SNX10: variants seen among roughly 807,000 people sequenced by gnomAD.
SNX10 encodes sorting nexin 10.
SNX10 carries 25 observed loss-of-function variants against 28.5 expected under a neutral mutation model. The ratio of observed to expected loss-of-function variants is 0.88; its 90% CI spans 0.64 to 1.22. The LOEUF (loss-of-function observed/expected upper bound fraction) is 1.22, where lower values mean the gene tolerates loss of function less well. Ranked by LOEUF, SNX10 falls within the 50% of genes most tolerant of loss-of-function variation. The pLI, the probability that SNX10 is intolerant of heterozygous loss-of-function variation, is 0.00. For synonymous variants in SNX10, 62 were observed against 81.4 expected (o/e 0.76, Z 1.28); for missense variants, 223 against 242.6 (o/e 0.92, Z 0.54).
intron 2 of SNX10, chr7:26,357,276 T>C (rs1245761009): frequency 2.7e-5 from 4 of 148,994 alleles, no homozygotes; most frequent in Admixed American, 2.0e-4. Flanking sequence ...CCGAGTTGCA[T>C]TTGAAAAATG....
intron 2 of SNX10, among the ~76,000 whole-genome samples, chr7:26,352,159 T>G (rs1173142416): frequency 6.6e-6 from 1 of 152,184 alleles, no homozygotes; most frequent in East Asian, 1.9e-4. Context: ...AAAACAAATA[T>G]CATTGACATA....
chr7:26,295,463 A>G (rs754695648), intron 1 of SNX10, among the ~76,000 whole-genome samples: 14 of 152,200 alleles, frequency 9.2e-5, no homozygotes, highest in Non-Finnish European at 1.8e-4. Flanking sequence ...GAAAGTCATT[A>G]TTCACCATTT....
chr7:26,340,551 G>T (rs1223268153), intron 1 of SNX10, among the ~76,000 whole-genome samples: 1 of 152,150 alleles, frequency 6.6e-6, no homozygotes, highest in South Asian at 2.1e-4. Context: ...CTTTCTCCTC[G>T]AGTTTTCGGT....
Position 26,349,607 on chromosome 7 carries a change from T to C in SNX10, c.24+3141T>C, listed in dbSNP as rs73683292. Among the ~76,000 whole-genome samples the C allele has an allele frequency of 4.6e-3, 700 of 152,342 alleles. 4 individuals are homozygous for C. Among genetic ancestry groups the C allele is most frequent in the African/African-American group, 0.016 (670 of 41,580 alleles). On this transcript the variant is annotated intron_variant, in intron 2 of 6. Transcript: ENST00000338523. ...TCAGAGTCATTCATGCATGCAACTT[T>C]AATTTACAATTAAAATATTATGGTT...
Position 26,344,867 on chromosome 7 carries a change from A to G in SNX10, c.-23-1553A>G, listed in dbSNP as rs1390965475. Reference sequence around the variant, plus strand: ...AAGCTTGATATTTAGAACAGCAGAAATTTATTCTGTTACAATTTGGGATGC... The same window carrying G: ...AAGCTTGATATTTAGAACAGCAGAAGTTTATTCTGTTACAATTTGGGATGC... On this transcript the variant is annotated intron_variant, in intron 1 of 6. Transcript: ENST00000338523. Among the ~76,000 whole-genome samples, 3 of 152,132 alleles carry G rather than the reference A, an allele frequency of 2.0e-5. No individual in the cohort carries two copies. In the East Asian group the frequency reaches 5.8e-4, roughly 29 times the overall value.
intron 5 of SNX10, among the ~76,000 whole-genome samples, chr7:26,369,653 A>G (rs3801878): frequency 0.14 from 21,311 of 152,114 alleles, 3,052 homozygotes; most frequent in African/African-American, 0.35. Flanking sequence ...CCCCAGCCAC[A>G]TCTTTCTGGC....
intron 1 of SNX10, among the ~76,000 whole-genome samples, chr7:26,345,818 C>G (rs1458053793): frequency 6.6e-6 from 1 of 152,026 alleles, no homozygotes; most frequent in Non-Finnish European, 1.5e-5. Context: ...GCTTACATAC[C>G]AAGTGGGTTT....
chr7:26,332,336 T>A lies in SNX10; in HGVS notation c.-23-14084T>A, dbSNP rs550836597. On this transcript the variant is annotated intron_variant, in intron 1 of 6. Transcript: ENST00000338523. ...AGATTTGCATTTCTCTGGTAACTAA[T>A]GATATCAAGCATCTTTTCATTTGCT... Among the ~76,000 whole-genome samples the A allele has an allele frequency of 3.3e-5, 5 of 152,358 alleles. No homozygotes were observed. The East Asian group carries it at 9.6e-4, about 29-fold the overall frequency.
chr7:26,302,057 T>C (rs941809432), intron 1 of SNX10, among the ~76,000 whole-genome samples: 1 of 152,178 alleles, frequency 6.6e-6, no homozygotes, highest in African/African-American at 2.4e-5. Flanking sequence ...CCTTATACCA[T>C]AGACAACCAG....
At chr7:26,334,684 C>T (rs1217956259) in intron 1 of SNX10, among the ~76,000 whole-genome samples, 2 of 152,020 alleles carry the variant, frequency 1.3e-5, no homozygotes, top group Non-Finnish European at 2.9e-5. Context: ...GATTTATGTC[C>T]TATGAACCAG....
At chr7:26,371,640 A>G (rs899576675) in intron 5 of SNX10, among the ~76,000 whole-genome samples, 181 bp from the exon 6 acceptor site, 8 of 152,192 alleles carry the variant, frequency 5.3e-5, no homozygotes, top group Non-Finnish European at 1.0e-4. Flanking sequence ...AAATTTCCAA[A>G]TAATTGAATA....
intron 1 of SNX10, among the ~76,000 whole-genome samples, chr7:26,336,057 A>G (rs1389286393): frequency 2.6e-5 from 4 of 152,206 alleles, no homozygotes; most frequent in African/African-American, 9.6e-5. Flanking sequence ...GATGAAAGTA[A>G]GGAGTCAGTG....
intron 3 of SNX10, among the ~76,000 whole-genome samples, chr7:26,363,997 C>T (rs6959811): frequency 0.17 from 26,396 of 152,098 alleles, 2,526 homozygotes; most frequent in South Asian, 0.36. Flanking sequence ...CGGACGGACA[C>T]GCTCCCTCTC....
In SNX10 at chr7:26,315,213, A is replaced by C. The variant is rs190674150; in HGVS notation, c.-24+23127A>C. Among the ~76,000 whole-genome samples, 278 of 152,312 alleles carry C rather than the reference A, an allele frequency of 1.8e-3. 1 individual carries two copies. The highest frequency in any genetic ancestry group is 6.1e-3 in the African/African-American group (252 of 41,550). On this transcript the variant is annotated intron_variant, in intron 1 of 6. Coordinates refer to ENST00000338523, the MANE Select transcript of SNX10 (RefSeq NM_013322.3). ...ACCCTATAGATGTGATCATAGAAATATTTGTTTACAAGAGTTGAACCTAGG... is the reference window on the plus strand; with the variant it reads ...ACCCTATAGATGTGATCATAGAAATCTTTGTTTACAAGAGTTGAACCTAGG...
chr7:26,313,531 A>C (rs1426069456), intron 1 of SNX10, among the ~76,000 whole-genome samples: 1 of 152,190 alleles, frequency 6.6e-6, no homozygotes, highest in Non-Finnish European at 1.5e-5. Context: ...ATTCAGAGGA[A>C]TGATATGCCT....
At chr7:26,297,598 T>G (rs184559381) in intron 1 of SNX10, among the ~76,000 whole-genome samples, 1 of 152,336 alleles carries the variant, frequency 6.6e-6, no homozygotes, top group East Asian at 1.9e-4. Flanking sequence ...CACTGCAGAC[T>G]GGCAGGTGGG....
At chr7:26,361,106 TG>T in intron 3 of SNX10, 45 bp downstream of exon 3, 1 of 1,536,806 alleles carries the variant, frequency 6.5e-7, no homozygotes, top group Non-Finnish European at 8.8e-7. Flanking sequence ...GGGACTTTTA[TG>T]GGATACATTT....
At chr7:26,332,376 A>G (rs767618419) in intron 1 of SNX10, among the ~76,000 whole-genome samples, 4 of 152,180 alleles carry the variant, frequency 2.6e-5, no homozygotes, top group Non-Finnish European at 4.4e-5. Flanking sequence ...CACCATTTGT[A>G]TATCTTCCTT....
At chr7:26,368,965 A>T (rs1789400314) in intron 5 of SNX10, among the ~76,000 whole-genome samples, 1 of 152,190 alleles carries the variant, frequency 6.6e-6, no homozygotes, top group African/African-American at 2.4e-5. Context: ...ATTCTCAGCT[A>T]AACCAGCATA....
Sources: allele counts gnomAD v4.1 joint callset (sites outside exome capture counted in the v4.1 genomes callset), GRCh38; gene constraint gnomAD v4.1.1; transcripts MANE v1.5; gene names NCBI Gene and HGNC (gene_info 2026-07-23, HGNC 2026-07-21).